The following LAMA1 variants were observed in gnomAD, a reference collection of about 807,000 sequenced individuals.
The protein encoded by LAMA1 is laminin subunit alpha 1.
LAMA1 carries 219 observed loss-of-function variants against 348.7 expected under a neutral mutation model. The ratio of observed to expected loss-of-function variants is 0.63; its 90% CI spans 0.56 to 0.70. The LOEUF is 0.70. Among genes scored for constraint, LAMA1 ranks in the 30% least tolerant of loss-of-function variants. The pLI, the probability that LAMA1 is intolerant of heterozygous loss-of-function variation, is 0.00. For missense variants in LAMA1, 3,744 were observed against 3,888.0 expected (o/e 0.96, Z 0.99); for synonymous variants, 1,487 against 1,491.0 (o/e 1.00, Z 0.06).
In LAMA1 at chr18:6,963,423, T is replaced by C. The variant is rs114702880; in HGVS notation, c.7337+1239A>G. Among the ~76,000 whole-genome samples the C allele has an allele frequency of 7.1e-3, 1,084 of 152,248 alleles. 16 individuals are homozygous for C. Among genetic ancestry groups the C allele is most frequent in the African/African-American group, 0.025 (1,038 of 41,546 alleles). ...AGGTAAGACTTCGCAAGTGACCAAC[T>C]CCGCTGAGGTTTAAATGGATTCAAT... is the stretch of plus-strand genomic sequence containing the variant. On this transcript the variant is annotated intron_variant, in intron 51 of 62. Coordinates refer to ENST00000389658, the MANE Select transcript of LAMA1 (RefSeq NM_005559.4).
intron 48 of LAMA1, 29 bp from the exon 49 acceptor site, chr18:6,966,326 C>A: frequency 6.2e-7 from 1 of 1,607,208 alleles, no homozygotes; most frequent in Non-Finnish European, 8.5e-7. Context: ...GAAATAGAAT[C>A]CATTCTCAGG....
At chr18:6,953,233 C>T (rs2057558264) in intron 57 of LAMA1, among the ~76,000 whole-genome samples, 1 of 152,262 alleles carries the variant, frequency 6.6e-6, no homozygotes, top group Non-Finnish European at 1.5e-5. Flanking sequence ...CCATAGGAGC[C>T]ATGGGCCCAT....
At chr18:6,997,965 GT>G in intron 32 of LAMA1, 81 bp from the exon 33 acceptor site, 5 of 1,329,554 alleles carry the variant, frequency 3.8e-6, no homozygotes, top group Admixed American at 1.7e-5. Context: ...TGCGCAAGTT[GT>G]TTTGTGAAAA....
intron 48 of LAMA1, among the ~76,000 whole-genome samples, chr18:6,968,245 C>T (rs77341520): frequency 0.014 from 2,206 of 152,306 alleles, 52 homozygotes; most frequent in African/African-American, 0.049. Context: ...CTCCCCAGCG[C>T]TCAGCCCCGT....
intron 51 of LAMA1, among the ~76,000 whole-genome samples, chr18:6,963,361 G>C (rs915110568): frequency 1.3e-5 from 2 of 152,218 alleles, no homozygotes; most frequent in African/African-American, 4.8e-5. Flanking sequence ...GATGGGATCT[G>C]GAGACAGCTT....
intron 14 of LAMA1, 112 bp downstream of exon 14, chr18:7,034,367 T>C: frequency 2.5e-6 from 2 of 796,330 alleles, no homozygotes; most frequent in Non-Finnish European, 4.3e-6. Flanking sequence ...CCTGTAGCTG[T>C]GTCCTTAATA....
intron 18 of LAMA1, 83 bp from the exon 19 acceptor site, chr18:7,023,458 T>C: frequency 1.8e-6 from 2 of 1,108,144 alleles, no homozygotes; most frequent in East Asian, 2.4e-5. Flanking sequence ...CCTGAATGGC[T>C]AATAAATCAG....
intron 41 of LAMA1, 109 bp from the exon 42 acceptor site, chr18:6,980,746 A>G (rs1367207642): frequency 2.9e-6 from 2 of 685,268 alleles, no homozygotes; most frequent in East Asian, 2.6e-5. Context: ...CTTTCTAAAG[A>G]GATTCCCAAT....
chr18:6,977,957 A>T, intron 43 of LAMA1, 76 bp from the exon 44 acceptor site: 1 of 1,504,946 alleles, frequency 6.6e-7, no homozygotes, highest in Non-Finnish European at 9.1e-7. Flanking sequence ...TTGTCCATTA[A>T]CAATGCACTT....
chr18:6,998,345 G>T (rs1253995391), intron 32 of LAMA1, among the ~76,000 whole-genome samples: 1 of 152,218 alleles, frequency 6.6e-6, no homozygotes, highest in East Asian at 1.9e-4. Flanking sequence ...AGGCAAGGAA[G>T]TAAGGCAGAA....
intron 1 of LAMA1, among the ~76,000 whole-genome samples, chr18:7,114,746 T>C (rs2377030): frequency 0.44 from 66,178 of 151,988 alleles, 16,446 homozygotes; most frequent in South Asian, 0.63. Context: ...CCCATAACAA[T>C]TTACTGTACA....
chr18:7,063,455 A>C (rs2058110420), intron 3 of LAMA1, among the ~76,000 whole-genome samples: 1 of 152,316 alleles, frequency 6.6e-6, no homozygotes, highest in South Asian at 2.1e-4. Flanking sequence ...TCCCTCAAAA[A>C]ATTAAACATA....
At position 7,089,576 on chromosome 18, in the gene LAMA1, G is replaced by A. The variant is rs558971723; in HGVS notation, c.62-9119C>T. 2.2e-4 allele frequency among the ~76,000 whole-genome samples: 34 copies of A among 152,344 alleles called. No individual in the cohort carries two copies. In the East Asian group the frequency reaches 6.2e-3, roughly 28 times the overall value. On this transcript the variant is annotated intron_variant, in intron 1 of 62. Transcript: ENST00000389658. The stretch of plus-strand genomic sequence containing the variant: ...AGGGGCTCAAGCCAAGAGCTCAGGC[G>A]AAGGCCCAATGACCTGGCGTGGGCC...
chr18:7,066,714 AAAAAG>A (rs780638666), intron 3 of LAMA1, among the ~76,000 whole-genome samples: 143 of 152,342 alleles, frequency 9.4e-4, no homozygotes, highest in Middle Eastern at 3.4e-3. Flanking sequence ...GCATAGGACA[AAAAAG>A]AAAAGAAAAG....
intron 11 of LAMA1, among the ~76,000 whole-genome samples, chr18:7,038,161 T>C (rs1194830441): frequency 6.6e-6 from 1 of 152,150 alleles, no homozygotes; most frequent in African/African-American, 2.4e-5. Flanking sequence ...CTCTAGATCT[T>C]ATACTCCCAA....
Position 6,943,415 on chromosome 18 carries a change from A to G in LAMA1, c.8845-13T>C, listed in dbSNP as rs953468393. On this transcript the variant is annotated splice_polypyrimidine_tract_variant and intron_variant, in intron 61 of 62. Transcript: ENST00000389658. ...CATGGAACAAGACCTAAAAGCAAAT[A>G]TCTTGGTGAGTTTTTGTGTATTTAA... 1 of 1,610,726 alleles carries G rather than the reference A, an allele frequency of 6.2e-7. No homozygotes were observed. The highest frequency in any genetic ancestry group is 1.3e-5 in the African/African-American group (1 of 74,996).
At chr18:7,014,949 T>C (rs1343794059) in intron 22 of LAMA1, among the ~76,000 whole-genome samples, 4 of 152,002 alleles carry the variant, frequency 2.6e-5, no homozygotes, top group African/African-American at 9.6e-5. Context: ...CGGGTTCACG[T>C]CGTTCTCCTG....
At position 7,034,704 on chromosome 18, in the gene LAMA1, A is replaced by G; in HGVS notation, c.1840-14T>C. 1 of 1,600,514 alleles carries G rather than the reference A, an allele frequency of 6.2e-7. No individual in the cohort carries two copies. The highest frequency in any genetic ancestry group is 8.6e-7 in the Non-Finnish European group (1 of 1,167,990). ...GAGTCCGTTTCCCTAACATTTAAAAACAAGAGAAAATATATTTGTCATTCA... is the reference window on the plus strand; with the variant it reads ...GAGTCCGTTTCCCTAACATTTAAAAGCAAGAGAAAATATATTTGTCATTCA... On this transcript the variant is annotated splice_polypyrimidine_tract_variant and intron_variant, in intron 13 of 62. Transcript: ENST00000389658.
In LAMA1 at chr18:7,056,442, T is replaced by A. The variant is rs77960682; in HGVS notation, c.346-5506A>T. Among the ~76,000 whole-genome samples, 902 of 152,338 alleles carry A rather than the reference T, an allele frequency of 5.9e-3. 5 individuals carry two copies. The highest frequency in any genetic ancestry group is 0.021 in the African/African-American group (864 of 41,558). On this transcript the variant is annotated intron_variant, in intron 3 of 62. Coordinates refer to ENST00000389658, the MANE Select transcript of LAMA1 (RefSeq NM_005559.4). Reference sequence around the variant, plus strand: ...GCGTGTTAAGAGCTTTATACATATATCATCACATTTAATCCCAAACAACCC... The same window carrying A: ...GCGTGTTAAGAGCTTTATACATATAACATCACATTTAATCCCAAACAACCC...
Sources: allele counts gnomAD v4.1 joint callset (sites outside exome capture counted in the v4.1 genomes callset), GRCh38; gene constraint gnomAD v4.1.1; transcripts MANE v1.5; gene names NCBI Gene and HGNC (gene_info 2026-07-23, HGNC 2026-07-21).